GRIN3A: variants seen among roughly 807,000 people sequenced by gnomAD.
GRIN3A encodes the protein glutamate ionotropic receptor NMDA type subunit 3A, also known as glutamate receptor ionotropic, NMDA 3A.
Under a neutral mutation model 92.4 loss-of-function variants are expected in GRIN3A, and 47 were observed. The ratio of observed to expected loss-of-function variants is 0.51; its 90% CI spans 0.40 to 0.65. The LOEUF (loss-of-function observed/expected upper bound fraction) is 0.65, where lower values mean the gene tolerates loss of function less well. Ranked by LOEUF, GRIN3A falls within the 30% of genes least tolerant of loss-of-function variation. The pLI is 0.00. For synonymous variants in GRIN3A, 527 were observed against 540.6 expected (o/e 0.97, Z 0.35); for missense variants, 1,324 against 1,393.1 (o/e 0.95, Z 0.79).
At chr9:101,687,581 C>T (rs190021663) in intron 1 of GRIN3A, among the ~76,000 whole-genome samples, 12 of 152,168 alleles carry the variant, frequency 7.9e-5, no homozygotes, top group South Asian at 2.1e-4. Context: ...TGATCTCATA[C>T]GCAATAAGGA....
At chr9:101,630,471 T>C (rs1009353507) in intron 3 of GRIN3A, among the ~76,000 whole-genome samples, 6 of 152,206 alleles carry the variant, frequency 3.9e-5, no homozygotes, top group African/African-American at 1.4e-4. Context: ...GGTAGATATG[T>C]CTATCATCTT....
At chr9:101,594,908 G>T (rs1409335296) in intron 6 of GRIN3A, 3 of 1,599,322 alleles carry the variant, frequency 1.9e-6, no homozygotes, top group Non-Finnish European at 2.5e-6. Context: ...CGGGTAACTG[G>T]CCTCGTTTCC....
At chr9:101,628,471 T>A in intron 3 of GRIN3A, 70 bp from the exon 4 acceptor site, 3 of 1,476,748 alleles carry the variant, frequency 2.0e-6, no homozygotes, top group African/African-American at 1.4e-5. Flanking sequence ...ATTTTTTTCA[T>A]AATTCTTTGA....
rs1015133860 is a variant in GRIN3A, at chr9:101,707,777, G to C, written c.700-20577C>G. On this transcript the variant is annotated intron_variant, in intron 1 of 8. Transcript: ENST00000361820. ...AAGGAATTAGGATTTGGGATTAGTG[G>C]ATAGCGAAGTTTGGCTTCCTTTTTG... Among the ~76,000 whole-genome samples, 13 of 152,194 alleles carry C rather than the reference G, an allele frequency of 8.5e-5. No homozygotes were observed. The South Asian group carries it at 2.7e-3, about 32-fold the overall frequency.
chr9:101,652,760 G>C (rs1829029542), intron 3 of GRIN3A, among the ~76,000 whole-genome samples: 1 of 151,968 alleles, frequency 6.6e-6, no homozygotes, highest in African/African-American at 2.4e-5. Context: ...TATGAGGCTT[G>C]CTTTTCTATC....
chr9:101,585,846 G>C (rs1437922282), intron 6 of GRIN3A, among the ~76,000 whole-genome samples: 1 of 152,112 alleles, frequency 6.6e-6, no homozygotes, highest in Non-Finnish European at 1.5e-5. Context: ...TCAATGCCTG[G>C]TCATGGTTTT....
chr9:101,606,351 A>C (rs748659778), intron 6 of GRIN3A, among the ~76,000 whole-genome samples: 1 of 152,090 alleles, frequency 6.6e-6, no homozygotes, highest in Non-Finnish European at 1.5e-5. Context: ...TAGAAGATGC[A>C]AGGGTAGGAG....
At chr9:101,677,677 G>A (rs961446380) in intron 2 of GRIN3A, among the ~76,000 whole-genome samples, 3 of 151,850 alleles carry the variant, frequency 2.0e-5, no homozygotes, top group African/African-American at 4.8e-5. Context: ...TTTGTGGCTT[G>A]TTTCACCAAA....
At chr9:101,630,369 C>G (rs1352260893) in intron 3 of GRIN3A, among the ~76,000 whole-genome samples, 5 of 152,178 alleles carry the variant, frequency 3.3e-5, no homozygotes, top group African/African-American at 9.7e-5. Context: ...GATATAGTAG[C>G]TTGTACATAT....
intron 8 of GRIN3A, among the ~76,000 whole-genome samples, chr9:101,576,657 A>G (rs1827831602): frequency 6.6e-6 from 1 of 152,186 alleles, no homozygotes; most frequent in African/African-American, 2.4e-5. Context: ...AAATAGAAAA[A>G]ATAGATGTAA....
At chr9:101,599,440 A>G (rs1212650169) in intron 6 of GRIN3A, among the ~76,000 whole-genome samples, 1 of 152,204 alleles carries the variant, frequency 6.6e-6, no homozygotes, top group African/African-American at 2.4e-5. Context: ...TATGTAGCTC[A>G]GCATTATTAT....
At chr9:101,590,043 AT>A (rs1476847033) in intron 6 of GRIN3A, among the ~76,000 whole-genome samples, 9 of 152,156 alleles carry the variant, frequency 5.9e-5, no homozygotes, top group Non-Finnish European at 1.2e-4. Context: ...AATATTGGTA[AT>A]TTTTAAAAAA....
Position 101,573,000 on chromosome 9 carries a change from A to G in GRIN3A, c.*174T>C, listed in dbSNP as rs1031405203. On this transcript the variant is annotated 3_prime_UTR_variant, in exon 9 of 9. Transcript: ENST00000361820. ...TCCTACCCTGGAGACCTAGAGAGTG[A>G]GCTTGAGAGGAGCTGCTGCTGCACT... 1 of 634,554 alleles carries G rather than the reference A, an allele frequency of 1.6e-6. No homozygotes were observed. Among genetic ancestry groups the G allele is most frequent in the African/African-American group, 1.8e-5 (1 of 55,052 alleles). The allele number at this position is 634,554 out of a possible 1,614,324, so 39.3% of individuals were successfully genotyped here.
chr9:101,688,231 C>T (rs1223536574), intron 1 of GRIN3A, among the ~76,000 whole-genome samples: 1 of 152,096 alleles, frequency 6.6e-6, no homozygotes, highest in Admixed American at 6.6e-5. Context: ...TGTGGCCTGT[C>T]CCTACGTACC....
At chr9:101,705,720 A>G (rs2119007067) in intron 1 of GRIN3A, among the ~76,000 whole-genome samples, 1 of 152,242 alleles carries the variant, frequency 6.6e-6, no homozygotes, top group East Asian at 1.9e-4. Flanking sequence ...AAATTAGCTA[A>G]CATTTCTCTC....
intron 3 of GRIN3A, among the ~76,000 whole-genome samples, chr9:101,645,803 G>C (rs1331719644): frequency 6.6e-6 from 1 of 150,634 alleles, no homozygotes; most frequent in Non-Finnish European, 1.5e-5. Flanking sequence ...GTTTCAATTT[G>C]CATTTCCCTT....
chr9:101,705,065 G>C (rs975925325), intron 1 of GRIN3A, among the ~76,000 whole-genome samples: 3 of 152,098 alleles, frequency 2.0e-5, no homozygotes, highest in Non-Finnish European at 4.4e-5. Context: ...TCCCTGGCAA[G>C]GGTTCCACCC....
intron 3 of GRIN3A, among the ~76,000 whole-genome samples, chr9:101,635,400 G>T (rs1246966985): frequency 2.6e-5 from 4 of 152,140 alleles, no homozygotes; most frequent in African/African-American, 7.2e-5. Context: ...AAGTACAAAA[G>T]AAAACATATG....
rs138057131 is a variant in GRIN3A, at chr9:101,691,758, C to T, written c.700-4558G>A. On this transcript the variant is annotated intron_variant, in intron 1 of 8. Coordinates refer to ENST00000361820, the MANE Select transcript of GRIN3A (RefSeq NM_133445.3). ...TCCTTGCTGGTGGGGCCACTGTCTTCTTCAGCAGTTGGGCTTTTCTGTCCT... is the reference window on the plus strand; with the variant it reads ...TCCTTGCTGGTGGGGCCACTGTCTTTTTCAGCAGTTGGGCTTTTCTGTCCT... Among the ~76,000 whole-genome samples, 146 of 152,298 alleles carry T rather than the reference C, an allele frequency of 9.6e-4. 1 individual carries two copies. Among genetic ancestry groups the T allele is most frequent in the African/African-American group, 3.1e-3 (127 of 41,570 alleles).
Sources: allele counts gnomAD v4.1 joint callset (sites outside exome capture counted in the v4.1 genomes callset), GRCh38; gene constraint gnomAD v4.1.1; transcripts MANE v1.5; gene names NCBI Gene and HGNC (gene_info 2026-07-23, HGNC 2026-07-21).